Variants in NCAM2 observed in about 807,000 individuals in gnomAD.
NCAM2 encodes N-CAM-2.
A neutral mutation model predicts 98.1 loss-of-function variants in NCAM2; 30 were observed. The observed-to-expected ratio is 0.31, with a 90% CI of 0.23 to 0.41. The LOEUF (loss-of-function observed/expected upper bound fraction) is 0.41. Among genes scored for constraint, NCAM2 ranks in the 10% least tolerant of loss-of-function variants. The pLI is 1.00. For synonymous variants in NCAM2, 368 were observed against 342.4 expected, an observed-to-expected ratio of 1.07 and a Z score of -0.83; for missense variants, 867 against 1,005.8, an observed-to-expected ratio of 0.86 and a Z score of 1.87.
chr21:21,045,002 A>G (rs1209501745), intron 1 of NCAM2, among the ~76,000 whole-genome samples: 1 of 152,164 alleles, frequency 6.6e-6, no homozygotes, highest in Admixed American at 6.5e-5. Flanking sequence ...ATATATATCT[A>G]TATATAAAAA....
At chr21:21,238,572 A>C (rs2070937819) in intron 1 of NCAM2, among the ~76,000 whole-genome samples, 1 of 151,396 alleles carries the variant, frequency 6.6e-6, no homozygotes, top group Non-Finnish European at 1.5e-5. Context: ...GGGGGAAATT[A>C]AATTTAAAAA....
chr21:21,367,040 C>T (rs2075803060), intron 8 of NCAM2, among the ~76,000 whole-genome samples: 1 of 151,898 alleles, frequency 6.6e-6, no homozygotes, highest in Non-Finnish European at 1.5e-5. Context: ...AGGGTGAATT[C>T]AATTATGTGG....
At chr21:21,166,397 G>A (rs572392851) in intron 1 of NCAM2, among the ~76,000 whole-genome samples, 2 of 152,038 alleles carry the variant, frequency 1.3e-5, no homozygotes, top group Non-Finnish European at 2.9e-5. Context: ...TAGTGGAGAC[G>A]GGGTTTCACC....
chr21:21,300,715 T>C (rs909061955), intron 5 of NCAM2, among the ~76,000 whole-genome samples: 3 of 152,078 alleles, frequency 2.0e-5, no homozygotes, highest in African/African-American at 7.2e-5. Context: ...ATTTCTTTAA[T>C]TTTTAATTAT....
intron 5 of NCAM2, among the ~76,000 whole-genome samples, chr21:21,304,186 T>C (rs1201703308): frequency 6.6e-6 from 1 of 152,086 alleles, no homozygotes; most frequent in Non-Finnish European, 1.5e-5. Context: ...GTAAAACAAA[T>C]ATGTTAATAC....
At chr21:21,489,030 G>A (rs769656093) in intron 15 of NCAM2, among the ~76,000 whole-genome samples, 11 of 150,744 alleles carry the variant, frequency 7.3e-5, no homozygotes, top group East Asian at 3.9e-4. Context: ...TTGCTCTGTC[G>A]CCCAAGCTGG....
chr21:21,264,949 ATATGTG>A (rs1213400362), intron 1 of NCAM2, among the ~76,000 whole-genome samples: 2 of 99,830 alleles, frequency 2.0e-5, no homozygotes, highest in Non-Finnish European at 4.6e-5. Context: ...GTGTGTATAT[ATATGTG>A]TATGTGTATA....
At chr21:21,517,252 C>T (rs1034645730) in intron 16 of NCAM2, among the ~76,000 whole-genome samples, 1 of 152,164 alleles carries the variant, frequency 6.6e-6, no homozygotes, top group Non-Finnish European at 1.5e-5. Context: ...ACTCCTGTTT[C>T]ATTCCATTTG....
At position 21,190,222 on chromosome 21, in the gene NCAM2, A is replaced by G. The variant is rs377301161; in HGVS notation, c.56-90356A>G. On this transcript the variant is annotated intron_variant, in intron 1 of 17. Transcript: ENST00000400546. ...CTGGCTGTTAAAAAGTGAATAAGCAATATCTGTAAGTGTTAGTGCAAGTAA... is the reference window on the plus strand; with the variant it reads ...CTGGCTGTTAAAAAGTGAATAAGCAGTATCTGTAAGTGTTAGTGCAAGTAA... Among the ~76,000 whole-genome samples the G allele has an allele frequency of 1.8e-4, 28 of 152,306 alleles. 1 individual carries two copies. The South Asian group carries it at 5.8e-3, about 32-fold the overall frequency.
chr21:21,406,164 A>G (rs775478516), intron 9 of NCAM2, among the ~76,000 whole-genome samples: 36 of 152,182 alleles, frequency 2.4e-4, no homozygotes, highest in South Asian at 4.1e-4. Context: ...ATAGTGCTCA[A>G]GACTATTGCA....
intron 12 of NCAM2, among the ~76,000 whole-genome samples, chr21:21,433,600 G>A (rs1484631738): frequency 5.9e-5 from 9 of 151,434 alleles, no homozygotes; most frequent in East Asian, 2.0e-4. Context: ...AAAATTAGAC[G>A]GATGTGGTGG....
intron 5 of NCAM2, among the ~76,000 whole-genome samples, chr21:21,305,886 A>G (rs1691940534): frequency 6.6e-6 from 1 of 152,108 alleles, no homozygotes; most frequent in African/African-American, 2.4e-5. Flanking sequence ...TTTAGTGCTG[A>G]ATAATTCCCT....
chr21:21,534,841 T>TTC (rs1989897954), intron 17 of NCAM2, among the ~76,000 whole-genome samples, 185 bp downstream of exon 17: 1 of 152,152 alleles, frequency 6.6e-6, no homozygotes, highest in Non-Finnish European at 1.5e-5. Flanking sequence ...TCATGAAAAC[T>TTC]TTGTATGAAT....
intron 12 of NCAM2, among the ~76,000 whole-genome samples, chr21:21,434,149 A>G (rs1320036753): frequency 6.6e-6 from 1 of 152,238 alleles, no homozygotes; most frequent in African/African-American, 2.4e-5. Context: ...TAAAACTGAA[A>G]TATAATAACA....
chr21:21,251,230 G>A (rs1430444235), intron 1 of NCAM2, among the ~76,000 whole-genome samples: 1 of 152,086 alleles, frequency 6.6e-6, no homozygotes, highest in Non-Finnish European at 1.5e-5. Flanking sequence ...AGGTATACAT[G>A]TGCCATGGTG....
At chr21:21,395,543 A>C (rs1240438351) in intron 9 of NCAM2, among the ~76,000 whole-genome samples, 2 of 152,154 alleles carry the variant, frequency 1.3e-5, no homozygotes, top group Non-Finnish European at 2.9e-5. Flanking sequence ...ATGGGACCAC[A>C]AAAGAGCCCT....
At chr21:21,451,711 G>A (rs776121932) in intron 12 of NCAM2, among the ~76,000 whole-genome samples, 22 of 152,132 alleles carry the variant, frequency 1.4e-4, no homozygotes, top group Non-Finnish European at 2.4e-4. Context: ...AGCCTGTGCC[G>A]TTCTGGTAAC....
At chr21:21,362,066 G>A (rs1050701510) in intron 8 of NCAM2, among the ~76,000 whole-genome samples, 3 of 150,930 alleles carry the variant, frequency 2.0e-5, no homozygotes, top group Admixed American at 1.3e-4. Context: ...ACAACCAGCT[G>A]TTACTGCCTT....
At chr21:21,243,735 T>C (rs948613168) in intron 1 of NCAM2, among the ~76,000 whole-genome samples, 1 of 152,118 alleles carries the variant, frequency 6.6e-6, no homozygotes, top group African/African-American at 2.4e-5. Flanking sequence ...TCCAAATCCA[T>C]ATTGCATCCA....
Sources: gnomAD v4.1 joint callset for allele counts (sites outside exome capture counted in the v4.1 genomes callset) on GRCh38, gnomAD v4.1.1 for gene constraint, MANE v1.5 for transcripts, NCBI Gene and HGNC (gene_info 2026-07-23, HGNC 2026-07-21) for gene names.